The following ZFAT variants were observed in gnomAD, a reference collection of about 807,000 sequenced individuals.
The protein encoded by ZFAT is zinc finger protein ZFAT.
ZFAT carries 64 observed loss-of-function variants against 117.7 expected under a neutral mutation model. The observed-to-expected ratio is 0.54, with a 90% confidence interval of 0.44 to 0.67. The LOEUF (loss-of-function observed/expected upper bound fraction) is 0.67. ZFAT is among the 30% of genes least tolerant of loss of function. The probability of loss-of-function intolerance (pLI) is 0.00; values close to 1 mark genes in which losing one functional copy is unlikely to be tolerated. For synonymous variants in ZFAT, 679 were observed against 615.0 expected, an observed-to-expected ratio of 1.10 and a Z score of -1.54; for missense variants, 1,433 against 1,584.5, an observed-to-expected ratio of 0.90 and a Z score of 1.62.
chr8:134,543,297 C>T (rs558833349), intron 11 of ZFAT, among the ~76,000 whole-genome samples: 1 of 150,674 alleles, frequency 6.6e-6, no homozygotes, highest in South Asian at 2.1e-4. Context: ...AGTTACTGCA[C>T]AGAAGAAGAG....
chr8:134,624,179 T>TGCACAC (rs1563690483), intron 3 of ZFAT, among the ~76,000 whole-genome samples: 4 of 81,746 alleles, frequency 4.9e-5, no homozygotes, highest in African/African-American at 1.8e-4. Flanking sequence ...CATGTGCACA[T>TGCACAC]GCACACACAC....
chr8:134,589,738 A>T (rs1314902722), intron 8 of ZFAT, among the ~76,000 whole-genome samples: 1 of 152,226 alleles, frequency 6.6e-6, no homozygotes, highest in Non-Finnish European at 1.5e-5. Flanking sequence ...AATGCAAAGA[A>T]TGAACAGGAA....
upstream of ZFAT, among the ~76,000 whole-genome samples, chr8:134,716,731 G>A (rs906897838): frequency 1.3e-5 from 2 of 152,128 alleles, no homozygotes; most frequent in African/African-American, 4.8e-5. Context: ...TGAGCCATGA[G>A]GCTTTACTGA....
At chr8:134,832,286 C>T in the ZFAT span, among the ~76,000 whole-genome samples, 1 of 151,900 alleles carries the variant, frequency 6.6e-6, no homozygotes, top group African/African-American at 2.4e-5. Flanking sequence ...TTGACCTTTC[C>T]CTCCAGTGTG....
At chr8:134,590,535 G>A (rs974553575) in intron 7 of ZFAT, among the ~76,000 whole-genome samples, 180 bp from the exon 8 acceptor site, 2 of 142,684 alleles carry the variant, frequency 1.4e-5, no homozygotes, top group Non-Finnish European at 3.0e-5. Context: ...ACCACCACTA[G>A]CACTATCAAC....
chr8:134,544,837 G>C (rs1822568409), intron 11 of ZFAT, among the ~76,000 whole-genome samples: 1 of 152,174 alleles, frequency 6.6e-6, no homozygotes, highest in African/African-American at 2.4e-5. Context: ...TATGGACCAA[G>C]AGAGGCTAAT....
chr8:134,745,279 T>C, the ZFAT span, among the ~76,000 whole-genome samples: 1 of 152,178 alleles, frequency 6.6e-6, no homozygotes, highest in East Asian at 1.9e-4. Flanking sequence ...TCTAACTCCT[T>C]AAGACGTGCA....
chr8:134,714,321 A>G (rs1174773492), upstream of ZFAT, among the ~76,000 whole-genome samples: 2 of 152,194 alleles, frequency 1.3e-5, no homozygotes, highest in Non-Finnish European at 2.9e-5. Flanking sequence ...TCACTGGCCT[A>G]GCTCCATCCC....
chr8:134,718,897 A>T, the ZFAT span, among the ~76,000 whole-genome samples: 1 of 152,246 alleles, frequency 6.6e-6, no homozygotes, highest in Non-Finnish European at 1.5e-5. Context: ...TAGTTCAGCC[A>T]TACAGGGAAA....
intron 2 of ZFAT, among the ~76,000 whole-genome samples, chr8:134,644,988 T>G (rs781323397): frequency 2.6e-5 from 4 of 151,990 alleles, no homozygotes; most frequent in Non-Finnish European, 2.9e-5. Context: ...CACAGAGATA[T>G]GATCACACAC....
At chr8:134,733,743 G>A in the ZFAT span, among the ~76,000 whole-genome samples, 7,393 of 152,214 alleles carry the variant, frequency 0.049, 206 homozygotes, top group Middle Eastern at 0.068. Context: ...TCTTTGTCTC[G>A]TCCTTGGTAG....
the ZFAT span, among the ~76,000 whole-genome samples, chr8:134,778,926 C>T: frequency 1.3e-5 from 2 of 152,188 alleles, no homozygotes; most frequent in East Asian, 3.8e-4. Context: ...GTGGGCTTAA[C>T]TCAGTGGTCT....
chr8:134,793,444 G>C, the ZFAT span: 1 of 152,208 alleles, frequency 6.6e-6, no homozygotes, highest in South Asian at 2.1e-4. Flanking sequence ...TGCTACGTCA[G>C]AGGTCCCCCA....
chr8:134,717,199 C>T (rs761083958), upstream of ZFAT, among the ~76,000 whole-genome samples: 7 of 152,030 alleles, frequency 4.6e-5, no homozygotes, highest in Admixed American at 2.6e-4. Flanking sequence ...ACATCATGGA[C>T]CCAAGACTTC....
At chr8:134,584,126 T>C (rs182706309) in intron 9 of ZFAT, 121 bp from the exon 10 acceptor site, 5 of 1,133,114 alleles carry the variant, frequency 4.4e-6, no homozygotes, top group Admixed American at 5.4e-5. Context: ...ATATAAAACA[T>C]CCGTTTTGAA....
chr8:134,597,717 C>T, intron 7 of ZFAT: 1 of 152,160 alleles, frequency 6.6e-6, no homozygotes, highest in East Asian at 1.9e-4. Flanking sequence ...GGCCTCCAGC[C>T]AGCGCTGGCT....
At chr8:134,699,853 T>C (rs1197979102) in intron 1 of ZFAT, among the ~76,000 whole-genome samples, 1 of 152,200 alleles carries the variant, frequency 6.6e-6, no homozygotes, top group Non-Finnish European at 1.5e-5. Flanking sequence ...TGCTAGAGCT[T>C]CATGCTGTCG....
At chr8:134,549,057 T>C (rs1273151249) in intron 11 of ZFAT, among the ~76,000 whole-genome samples, 11 of 152,154 alleles carry the variant, frequency 7.2e-5, no homozygotes, top group Admixed American at 7.2e-4. Flanking sequence ...CCAAGGCCCA[T>C]TATCTACCCA....
rs1433020709 is a variant in ZFAT, at chr8:134,602,195, C to A, written c.1524G>T (p.Gln508His). The change falls in exon 6 of 16, where the codon CAG (glutamine) becomes CAT (histidine). Residue 508 changes from glutamine to histidine, a missense_variant. By Grantham distance (24) the Gln-to-His change is conservative. Coordinates refer to ENST00000377838, the MANE Select transcript of ZFAT (RefSeq NM_020863.4). ...FCLLEPGGDIQQEALGDQLQL... is the reference protein window; with the variant it reads ...FCLLEPGGDIHQEALGDQLQL... Reference sequence around the variant, plus strand: ...GTAGCTGGTCCCCCAGAGCTTCTTGCTGGATGTCCCCACCAGGTTCCAGGA... The same window carrying A: ...GTAGCTGGTCCCCCAGAGCTTCTTGATGGATGTCCCCACCAGGTTCCAGGA... 6.2e-7 allele frequency: 1 copy of A among 1,613,502 alleles called. No homozygotes were observed.
Sources: gnomAD v4.1 joint callset for allele counts (sites outside exome capture counted in the v4.1 genomes callset) on GRCh38, gnomAD v4.1.1 for gene constraint, MANE v1.5 for transcripts, NCBI Gene and HGNC (gene_info 2026-07-23, HGNC 2026-07-21) for gene names.